Variants in PDGFD observed in about 807,000 individuals in gnomAD.
PDGFD encodes the protein platelet derived growth factor D, also known as platelet-derived growth factor D.
Under a neutral mutation model 44.7 loss-of-function variants are expected in PDGFD, and 30 were observed. That is an observed-to-expected ratio of 0.67 (90% CI 0.50 to 0.91). PDGFD has a LOEUF of 0.91. PDGFD is among the 40% of genes least tolerant of loss of function. The pLI, the probability that PDGFD is intolerant of heterozygous loss-of-function variation, is 0.00. For missense variants in PDGFD, 445 were observed against 457.8 expected (o/e 0.97, Z 0.25); for synonymous variants, 173 against 168.4 (o/e 1.03, Z -0.21).
chr11:104,122,489 AC>A (rs934113306), intron 1 of PDGFD, among the ~76,000 whole-genome samples: 6 of 151,406 alleles, frequency 4.0e-5, no homozygotes, highest in African/African-American at 1.5e-4. Context: ...GCATCTATAA[AC>A]CCCCTTGCAT....
intron 1 of PDGFD, among the ~76,000 whole-genome samples, chr11:104,002,158 T>C (rs1859629287): frequency 6.6e-6 from 1 of 152,184 alleles, no homozygotes; most frequent in African/African-American, 2.4e-5. Context: ...TTGAGTCTTT[T>C]CCCTTCCCTT....
In PDGFD at chr11:104,116,635, A is replaced by C. The variant is rs147876994; in HGVS notation, c.124+47169T>G. Among the ~76,000 whole-genome samples, 1,102 of 152,216 alleles carry C rather than the reference A, an allele frequency of 7.2e-3. 7 individuals carry two copies. The highest frequency in any genetic ancestry group is 0.024 in the African/African-American group (988 of 41,552). On this transcript the variant is annotated intron_variant, in intron 1 of 6. Coordinates refer to ENST00000393158, the MANE Select transcript of PDGFD (RefSeq NM_025208.5). ...ATGAACATAGATGCAAAAATCCTTA[A>C]CAAAATACTAGTTAACTAAATCAGA...
At position 103,923,767 on chromosome 11, in the gene PDGFD, T is replaced by A. The variant is rs1321319526; in HGVS notation, c.987+3145A>T. Among the ~76,000 whole-genome samples, 4 of 151,968 alleles carry A rather than the reference T, an allele frequency of 2.6e-5. No individual in the cohort carries two copies. In the East Asian group the frequency reaches 7.7e-4, roughly 29 times the overall value. On this transcript the variant is annotated intron_variant, in intron 6 of 6. Coordinates refer to ENST00000393158, the MANE Select transcript of PDGFD (RefSeq NM_025208.5). Reference sequence around the variant, plus strand: ...GAGTCTCAGGGGCATATGACAGGAGTGTTTGTTCCAGGTAAGCAGTTACTG... The same window carrying A: ...GAGTCTCAGGGGCATATGACAGGAGAGTTTGTTCCAGGTAAGCAGTTACTG...
chr11:103,950,439 C>G (rs932933963), intron 3 of PDGFD, among the ~76,000 whole-genome samples: 9 of 151,132 alleles, frequency 6.0e-5, no homozygotes, highest in African/African-American at 2.2e-4. Flanking sequence ...TGGCATGTAC[C>G]TGTAATCCCA....
chr11:103,952,109 T>A (rs758074330), intron 3 of PDGFD, among the ~76,000 whole-genome samples: 5 of 152,176 alleles, frequency 3.3e-5, no homozygotes, highest in Non-Finnish European at 5.9e-5. Flanking sequence ...ATTTGTTATA[T>A]ACCCTTAATA....
intron 6 of PDGFD, among the ~76,000 whole-genome samples, chr11:103,921,604 TA>T (rs58116027): frequency 0.092 from 12,875 of 140,032 alleles, 870 homozygotes; most frequent in East Asian, 0.25. Context: ...CACTGAAAAG[TA>T]AAAAAAAAAA....
chr11:103,974,321 T>A (rs1362540869), intron 3 of PDGFD, among the ~76,000 whole-genome samples: 1 of 152,146 alleles, frequency 6.6e-6, no homozygotes, highest in African/African-American at 2.4e-5. Context: ...ATCAAACTCC[T>A]GTGAAGCAGC....
intron 3 of PDGFD, among the ~76,000 whole-genome samples, chr11:103,958,119 G>T (rs1263883725): frequency 6.6e-6 from 1 of 151,492 alleles, no homozygotes; most frequent in Non-Finnish European, 1.5e-5. Flanking sequence ...CAGATTTTAT[G>T]CCGGTGACTA....
intron 1 of PDGFD, among the ~76,000 whole-genome samples, chr11:104,129,162 A>G (rs1195372050): frequency 6.6e-6 from 1 of 152,156 alleles, no homozygotes; most frequent in Non-Finnish European, 1.5e-5. Flanking sequence ...CTCTGCCTCA[A>G]ACTGGAGCTT....
intron 1 of PDGFD, chr11:104,036,849 G>C: frequency 6.2e-7 from 1 of 1,614,060 alleles, no homozygotes; most frequent in Non-Finnish European, 8.5e-7. Context: ...ACTGCGTGCG[G>C]AGGGACCTCT....
intron 6 of PDGFD, among the ~76,000 whole-genome samples, chr11:103,917,389 A>T (rs937326047): frequency 6.6e-6 from 1 of 152,206 alleles, no homozygotes; most frequent in African/African-American, 2.4e-5. Flanking sequence ...ATTAGCTATT[A>T]CATAGACATA....
chr11:104,084,232 A>G (rs1861087746), intron 1 of PDGFD, among the ~76,000 whole-genome samples: 1 of 152,198 alleles, frequency 6.6e-6, no homozygotes, highest in Non-Finnish European at 1.5e-5. Context: ...GAAACAAGAA[A>G]TATTAGCTGG....
chr11:103,999,960 C>T, intron 2 of PDGFD, 91 bp downstream of exon 2: 1 of 1,167,322 alleles, frequency 8.6e-7, no homozygotes, highest in African/African-American at 1.5e-5. Context: ...ATTTAAAAGG[C>T]TCAAAAGGAA....
At chr11:104,020,051 A>G (rs1374459884) in intron 1 of PDGFD, among the ~76,000 whole-genome samples, 1 of 152,180 alleles carries the variant, frequency 6.6e-6, no homozygotes, top group Admixed American at 6.5e-5. Flanking sequence ...AAAAAATAAC[A>G]CCAATGAGTA....
At chr11:103,955,178 A>T (rs1241943266) in intron 3 of PDGFD, among the ~76,000 whole-genome samples, 2 of 14,856 alleles carry the variant, frequency 1.3e-4, no homozygotes, top group Admixed American at 7.8e-4. Flanking sequence ...AAAAAAAAAA[A>T]AAAAAAAAAA....
chr11:103,955,372 AG>A (rs1858827577), intron 3 of PDGFD, among the ~76,000 whole-genome samples: 1 of 152,038 alleles, frequency 6.6e-6, no homozygotes, highest in South Asian at 2.1e-4. Context: ...TTTTGAATAA[AG>A]GCTTTTGATG....
rs1169132527 is a variant in PDGFD at position 103,947,752 on chromosome 11, C to A, written c.511-28G>T. On this transcript the variant is annotated intron_variant, in intron 3 of 6. Transcript: ENST00000393158. ...GGAAGGCAAAGAAACATCTGTGAGT[C>A]AGTCAAACCTCTGTTCAATTCATTA... is the stretch of plus-strand genomic sequence containing the variant. 5 of 1,564,290 alleles carry A rather than the reference C, an allele frequency of 3.2e-6. No individual in the cohort carries two copies. The South Asian group carries it at 3.3e-5, about 10-fold the overall frequency.
rs532251242 is a variant in PDGFD, at chr11:104,128,553, C to T, written c.124+35251G>A. ...TCCATGCATGATTGCGTGTGTATTT[C>T]TGCTTTCCTTTGCAAGTCTGTCAAA... is the stretch of plus-strand genomic sequence containing the variant. On this transcript the variant is annotated intron_variant, in intron 1 of 6. Coordinates refer to ENST00000393158, the MANE Select transcript of PDGFD (RefSeq NM_025208.5). 1.1e-4 allele frequency among the ~76,000 whole-genome samples: 17 copies of T among 152,260 alleles called. No individual in the cohort carries two copies. In the South Asian group the frequency reaches 3.5e-3, roughly 32 times the overall value.
chr11:103,958,615 T>C (rs1358194777), intron 3 of PDGFD, among the ~76,000 whole-genome samples: 1 of 152,194 alleles, frequency 6.6e-6, no homozygotes, highest in African/African-American at 2.4e-5. Context: ...GTAAGCACTC[T>C]TTTTTGTTTG....
Sources: gnomAD v4.1 joint callset for allele counts (sites outside exome capture counted in the v4.1 genomes callset) on GRCh38, gnomAD v4.1.1 for gene constraint, MANE v1.5 for transcripts, NCBI Gene and HGNC (gene_info 2026-07-23, HGNC 2026-07-21) for gene names.